GNAQ: variants seen among roughly 807,000 people sequenced by gnomAD.
GNAQ encodes the protein guanine nucleotide-binding protein G(q) subunit alpha.
Under a neutral mutation model 43.9 loss-of-function variants are expected in GNAQ, and 8 were observed. The observed-to-expected ratio is 0.18, with a 90% CI of 0.11 to 0.33. GNAQ has a LOEUF of 0.33. Among genes scored for constraint, GNAQ ranks in the 10% least tolerant of loss-of-function variants. The pLI, the probability that GNAQ is intolerant of heterozygous loss-of-function variation, is 1.00. For missense variants in GNAQ, 158 were observed against 450.8 expected, an observed-to-expected ratio of 0.35 and a Z score of 5.88; for synonymous variants, 155 against 170.7, an observed-to-expected ratio of 0.91 and a Z score of 0.71.
At chr9:77,999,602 G>A (rs1823618767) in intron 1 of GNAQ, among the ~76,000 whole-genome samples, 1 of 152,162 alleles carries the variant, frequency 6.6e-6, no homozygotes. Flanking sequence ...CTCTTCCCAG[G>A]TGACTGGACA....
chr9:77,760,667 C>T (rs2118328561), intron 5 of GNAQ, among the ~76,000 whole-genome samples: 1 of 151,940 alleles, frequency 6.6e-6, no homozygotes. Flanking sequence ...CCTGGCCACC[C>T]ATCATCTGGG....
At chr9:77,904,522 C>T (rs948578956) in intron 2 of GNAQ, among the ~76,000 whole-genome samples, 4 of 151,700 alleles carry the variant, frequency 2.6e-5, no homozygotes, top group African/African-American at 9.7e-5. Flanking sequence ...TTAGTAGAGA[C>T]AAGGTTTCAC....
At chr9:77,760,477 G>C (rs914945720) in intron 5 of GNAQ, among the ~76,000 whole-genome samples, 3 of 152,102 alleles carry the variant, frequency 2.0e-5, no homozygotes, top group Admixed American at 6.5e-5. Flanking sequence ...TGGAGGTGCC[G>C]GGATTGCAGA....
chr9:77,848,169 A>T (rs912977622), intron 2 of GNAQ, among the ~76,000 whole-genome samples: 1 of 152,172 alleles, frequency 6.6e-6, no homozygotes, highest in Non-Finnish European at 1.5e-5. Flanking sequence ...AGAGTCTAAA[A>T]ATCACAGTTC....
At chr9:77,757,499 GAAAACTAC>G (rs1418700878) in intron 5 of GNAQ, among the ~76,000 whole-genome samples, 52 of 152,244 alleles carry the variant, frequency 3.4e-4, no homozygotes, top group Middle Eastern at 3.4e-3. Flanking sequence ...CTGTTAGAAA[GAAAACTAC>G]AAATATATCC....
intron 5 of GNAQ, among the ~76,000 whole-genome samples, chr9:77,767,795 C>G (rs1181532033): frequency 6.6e-6 from 1 of 152,142 alleles, no homozygotes; most frequent in Admixed American, 6.5e-5. Flanking sequence ...TCAGCCCATC[C>G]TGACACTTAA....
intron 5 of GNAQ, among the ~76,000 whole-genome samples, chr9:77,737,020 T>TACATGCAGTCTATCCTTAACTC (rs1440808604): frequency 6.6e-6 from 1 of 152,234 alleles, no homozygotes; most frequent in African/African-American, 2.4e-5. Context: ...ATCCTTAACT[T>TACATGCAGTCTATCCTTAACTC]ACATGCAGTC....
chr9:77,922,260 G>A lies in GNAQ; in HGVS notation c.222C>T (p.Gly74=), dbSNP rs1200220205. ...GSGYSDEDKR[G]FTKLVYQNIF... is the part of the protein sequence containing the mutation. ...TGTTCTGATACACCAGCTTGGTGAA[G>A]CCCCTTTTATCTTCATCAGAGTATC... The change falls in exon 2 of 7, where the codon GGC becomes GGT. Residue 74 remains glycine, a synonymous_variant. Transcript: ENST00000286548. 2.5e-6 allele frequency: 4 copies of A among 1,612,840 alleles called. No individual in the cohort carries two copies. The highest frequency in any genetic ancestry group is 1.7e-4 in the Middle Eastern group (1 of 6,060).
chr9:78,021,826 G>A (rs890304270), intron 1 of GNAQ, among the ~76,000 whole-genome samples: 3 of 152,234 alleles, frequency 2.0e-5, no homozygotes, highest in African/African-American at 7.2e-5. Context: ...AAAAGAAGTA[G>A]TAAGTCAAAG....
intron 2 of GNAQ, among the ~76,000 whole-genome samples, chr9:77,889,402 C>T (rs903857452): frequency 1.1e-5 from 1 of 90,404 alleles, no homozygotes; most frequent in Non-Finnish European, 2.0e-5. Flanking sequence ...CAAAGCCAGA[C>T]CCTGTCTCAA....
chr9:77,942,127 G>GA (rs397958401), intron 1 of GNAQ, among the ~76,000 whole-genome samples: 4 of 151,574 alleles, frequency 2.6e-5, no homozygotes, highest in African/African-American at 9.7e-5. Flanking sequence ...GAAACTGGGA[G>GA]AAAAAAAAGG....
chr9:77,725,371 A>C (rs1194596196), intron 6 of GNAQ, among the ~76,000 whole-genome samples: 1 of 152,126 alleles, frequency 6.6e-6, no homozygotes, highest in African/African-American at 2.4e-5. Context: ...GGAAGTGTGA[A>C]ATTTATAATA....
chr9:77,806,536 T>C (rs1302968688), intron 3 of GNAQ, among the ~76,000 whole-genome samples: 3 of 152,138 alleles, frequency 2.0e-5, no homozygotes, highest in African/African-American at 7.2e-5. Context: ...AAGTGCCAGA[T>C]TGTGAGCTGC....
chr9:77,838,105 C>T (rs1827421158), intron 2 of GNAQ, among the ~76,000 whole-genome samples: 1 of 146,484 alleles, frequency 6.8e-6, no homozygotes, highest in African/African-American at 2.5e-5. Context: ...CAACCTCGGC[C>T]TTGCAAAGTC....
intron 5 of GNAQ, among the ~76,000 whole-genome samples, chr9:77,777,849 C>T (rs984039735): frequency 7.2e-5 from 11 of 151,896 alleles, no homozygotes; most frequent in South Asian, 2.1e-4. Context: ...GAAACTGGAA[C>T]GCTAACACAT....
chr9:77,930,018 T>C (rs2118302425), intron 1 of GNAQ, among the ~76,000 whole-genome samples: 1 of 152,326 alleles, frequency 6.6e-6, no homozygotes, highest in Non-Finnish European at 1.5e-5. Context: ...TGAGCAATTC[T>C]AATTTTTTGC....
intron 1 of GNAQ, among the ~76,000 whole-genome samples, chr9:77,987,930 T>G (rs79038537): frequency 6.6e-6 from 1 of 151,934 alleles, no homozygotes; most frequent in African/African-American, 2.4e-5. Context: ...GAGTATCCCA[T>G]GAGTAGGGGG....
intron 3 of GNAQ, among the ~76,000 whole-genome samples, chr9:77,800,294 T>A (rs1005358589): frequency 1.3e-5 from 2 of 151,960 alleles, no homozygotes; most frequent in Admixed American, 6.6e-5. Flanking sequence ...TGCGGCATTA[T>A]TCACAATAGC....
chr9:77,960,165 ATCTT>A (rs1277563342), intron 1 of GNAQ, among the ~76,000 whole-genome samples: 1 of 152,034 alleles, frequency 6.6e-6, no homozygotes, highest in East Asian at 1.9e-4. Flanking sequence ...CATCCTGCTC[ATCTT>A]TCTTTTATTG....
Sources: gnomAD v4.1 joint callset for allele counts (sites outside exome capture counted in the v4.1 genomes callset) on GRCh38, gnomAD v4.1.1 for gene constraint, MANE v1.5 for transcripts, NCBI Gene and HGNC (gene_info 2026-07-23, HGNC 2026-07-21) for gene names.